SYT17: variants seen among roughly 807,000 people sequenced by gnomAD.
SYT17 encodes synaptotagmin-17.
A neutral mutation model predicts 46.7 loss-of-function variants in SYT17; 22 were observed. The ratio of observed to expected loss-of-function variants is 0.47; its 90% CI spans 0.34 to 0.67. The LOEUF is 0.67. SYT17 is among the 30% of genes least tolerant of loss of function. SYT17 has a pLI of 0.01. For synonymous variants in SYT17, 251 were observed against 248.4 expected (o/e 1.01, Z -0.10); for missense variants, 519 against 612.8 (o/e 0.85, Z 1.62).
chr16:19,224,010 A>G (rs1966414514), intron 6 of SYT17, among the ~76,000 whole-genome samples: 1 of 152,256 alleles, frequency 6.6e-6, no homozygotes. Context: ...TCAAAAACTG[A>G]CATAATAACA....
At chr16:19,245,909 T>C (rs1368298295) in intron 7 of SYT17, among the ~76,000 whole-genome samples, 1 of 152,144 alleles carries the variant, frequency 6.6e-6, no homozygotes, top group African/African-American at 2.4e-5. Context: ...AAAGATATAA[T>C]TTTTCCATAC....
chr16:19,255,023 AGCATTTCT>A (rs1968461695), intron 7 of SYT17, among the ~76,000 whole-genome samples: 1 of 152,184 alleles, frequency 6.6e-6, no homozygotes, highest in Non-Finnish European at 1.5e-5. Context: ...AAGCCAAAGC[AGCATTTCT>A]CCGTGGTTTC....
In SYT17 at chr16:19,184,158, G is replaced by A. The variant is rs767437069; in HGVS notation, c.951+11G>A. 9 of 1,596,524 alleles carry A rather than the reference G, an allele frequency of 5.6e-6. 1 individual carries two copies. In the South Asian group the frequency reaches 6.7e-5, roughly 12 times the overall value. On this transcript the variant is annotated intron_variant, in intron 5 of 7. Transcript: ENST00000355377. ...ATTCCCAGTTCTCAGGTAAGGGATG[G>A]GTTTGTGGTGTTTCCTCCTGGGAGC...
intron 1 of SYT17, among the ~76,000 whole-genome samples, chr16:19,169,590 A>G (rs1964003924): frequency 6.6e-6 from 1 of 152,244 alleles, no homozygotes; most frequent in African/African-American, 2.4e-5. Flanking sequence ...TGGGTCACAT[A>G]TCCCCTCATC....
At chr16:19,243,505 G>A (rs759307037) in intron 7 of SYT17, among the ~76,000 whole-genome samples, 6 of 152,106 alleles carry the variant, frequency 3.9e-5, no homozygotes, top group Non-Finnish European at 8.8e-5. Flanking sequence ...GAGAAGCCAG[G>A]ACACTTAAGA....
intron 1 of SYT17, 72 bp from the exon 2 acceptor site, chr16:19,172,688 G>C: frequency 6.3e-7 from 1 of 1,598,622 alleles, no homozygotes; most frequent in Non-Finnish European, 8.5e-7. Flanking sequence ...TGCTAAACTG[G>C]TCTTGTCTCT....
chr16:19,171,569 C>A (rs1338520766), intron 1 of SYT17: 1 of 152,214 alleles, frequency 6.6e-6, no homozygotes, highest in African/African-American at 2.4e-5. Flanking sequence ...AGGTGATCCA[C>A]CCGCCTTGGC....
At chr16:19,187,835 A>G (rs2142628949) in intron 5 of SYT17, among the ~76,000 whole-genome samples, 1 of 152,210 alleles carries the variant, frequency 6.6e-6, no homozygotes, top group East Asian at 1.9e-4. Flanking sequence ...CCAAAATAAC[A>G]GATGCTGGTG....
intron 5 of SYT17, among the ~76,000 whole-genome samples, chr16:19,203,797 C>G (rs1406778973): frequency 6.6e-6 from 1 of 152,222 alleles, no homozygotes; most frequent in Non-Finnish European, 1.5e-5. Context: ...CTCAGGCTCA[C>G]AGGAAAGCAC....
intron 5 of SYT17, among the ~76,000 whole-genome samples, chr16:19,219,019 C>T (rs1596970619): frequency 6.6e-6 from 1 of 152,200 alleles, no homozygotes; most frequent in African/African-American, 2.4e-5. Context: ...CCCACGCGAA[C>T]CCCATCCATT....
chr16:19,183,605 G>A lies in SYT17; in HGVS notation c.409G>A (p.Glu137Lys). The A allele has an allele frequency of 6.2e-7, 1 of 1,614,192 alleles. No individual in the cohort carries two copies. The highest frequency in any genetic ancestry group is 8.5e-7 in the Non-Finnish European group (1 of 1,180,032). The change falls in exon 5 of 8, where the codon GAG becomes AAG. Residue 137 changes from glutamate (E) to lysine (K), a missense_variant. Transcript: ENST00000355377. This position sits in a 1 kb window ranked among gnomAD's most constrained non-coding sequence, Gnocchi z 5.6. ...GTTTGGCGTTCTCAGCGCCAAGAAG[G>A]AGCCCATCCAACCTTCGGTGCTCAG... is the stretch of plus-strand genomic sequence containing the variant. ...IEFGVLSAKK[E>K]PIQPSVLRRT...
intron 5 of SYT17, among the ~76,000 whole-genome samples, chr16:19,209,650 C>T (rs1256708460): frequency 1.3e-5 from 2 of 151,564 alleles, no homozygotes; most frequent in African/African-American, 2.4e-5. Flanking sequence ...GTGGGCGGAT[C>T]ACAAGGTCAG....
chr16:19,235,537 A>G (rs1596996493), intron 7 of SYT17, among the ~76,000 whole-genome samples: 3 of 152,344 alleles, frequency 2.0e-5, no homozygotes, highest in Non-Finnish European at 4.4e-5. Context: ...ACCCAAAATG[A>G]CTTGATTTAC....
At chr16:19,188,513 CAAAAAA>C (rs61202540) in intron 5 of SYT17, among the ~76,000 whole-genome samples, 148 of 64,588 alleles carry the variant, frequency 2.3e-3, no homozygotes, top group Admixed American at 4.2e-3. Context: ...TTCAGTTCTG[CAAAAAA>C]AAAAAAAAAA....
chr16:19,256,953 G>T (rs1267316529), intron 7 of SYT17, among the ~76,000 whole-genome samples: 1 of 152,060 alleles, frequency 6.6e-6, no homozygotes, highest in Non-Finnish European at 1.5e-5. Flanking sequence ...TGCTGGCTGG[G>T]TGGCTTTGAG....
At position 19,191,343 on chromosome 16, in the gene SYT17, A is replaced by G. The variant is rs1965012183; in HGVS notation, c.951+7196A>G. Among the ~76,000 whole-genome samples the G allele has an allele frequency of 2.0e-5, 3 of 152,208 alleles. No homozygotes were observed. The South Asian group carries it at 6.2e-4, about 32-fold the overall frequency. The stretch of plus-strand genomic sequence containing the variant: ...GGGGCGGTGGTTAGGCCATGAGGGC[A>G]GAGCTGTTATCAATGAGATTAGCGC... On this transcript the variant is annotated intron_variant, in intron 5 of 7. Transcript: ENST00000355377.
intron 5 of SYT17, among the ~76,000 whole-genome samples, chr16:19,194,310 C>T (rs553311417): frequency 2.0e-5 from 3 of 152,182 alleles, no homozygotes; most frequent in Admixed American, 1.3e-4. Flanking sequence ...TCTCCCCTCA[C>T]CCCTTTTACA....
At chr16:19,192,101 C>T (rs969685710) in intron 5 of SYT17, among the ~76,000 whole-genome samples, 5 of 152,190 alleles carry the variant, frequency 3.3e-5, no homozygotes, top group South Asian at 2.1e-4. Context: ...ATTCTTTAAG[C>T]CTCTCTGTAT....
At chr16:19,257,322 A>G (rs1431128646) in intron 7 of SYT17, among the ~76,000 whole-genome samples, 1 of 151,810 alleles carries the variant, frequency 6.6e-6, no homozygotes, top group Non-Finnish European at 1.5e-5. Context: ...AGAACTCAAA[A>G]TCTACATATA....
Sources: allele counts gnomAD v4.1 joint callset (sites outside exome capture counted in the v4.1 genomes callset), GRCh38; gene constraint gnomAD v4.1.1; non-coding constraint Gnocchi (gnomAD v3.1); transcripts MANE v1.5; gene names NCBI Gene and HGNC (gene_info 2026-07-23, HGNC 2026-07-21).